The following TCERG1L variants were observed in gnomAD, a reference collection of about 807,000 sequenced individuals.
TCERG1L encodes the protein transcription elongation regulator 1 like.
In TCERG1L, 37 loss-of-function variants were observed where a neutral mutation model predicts 56.3. The observed-to-expected ratio is 0.66, with a 90% confidence interval of 0.51 to 0.87. TCERG1L has a LOEUF of 0.87. TCERG1L is among the 40% of genes least tolerant of loss of function. TCERG1L has a pLI of 0.00. For missense variants in TCERG1L, 799 were observed against 774.2 expected (o/e 1.03, Z -0.38); for synonymous variants, 324 against 326.3 (o/e 0.99, Z 0.08).
At chr10:131,237,263 G>C (rs891345867) in intron 4 of TCERG1L, among the ~76,000 whole-genome samples, 4 of 152,088 alleles carry the variant, frequency 2.6e-5, no homozygotes, top group African/African-American at 9.7e-5. Context: ...GAGACCCTGA[G>C]TGCCAGCTCC....
intron 4 of TCERG1L, among the ~76,000 whole-genome samples, chr10:131,225,133 C>T (rs1051474195): frequency 1.6e-4 from 24 of 152,160 alleles, no homozygotes; most frequent in African/African-American, 4.8e-4. Flanking sequence ...TCACTCCCAC[C>T]CCGTGGCAGA....
At chr10:131,198,954 A>C (rs1262582569) in intron 4 of TCERG1L, among the ~76,000 whole-genome samples, 3 of 152,204 alleles carry the variant, frequency 2.0e-5, no homozygotes, top group African/African-American at 7.2e-5. Flanking sequence ...CACCTGGCCC[A>C]CTTGAGCCAC....
intron 4 of TCERG1L, among the ~76,000 whole-genome samples, chr10:131,256,334 C>CT (rs1376945056): frequency 2.3e-5 from 3 of 130,486 alleles, no homozygotes; most frequent in Non-Finnish European, 3.4e-5. Context: ...TGGTAAGTTA[C>CT]TGATAGAACA....
At chr10:131,266,406 G>A (rs1238889942) in intron 3 of TCERG1L, among the ~76,000 whole-genome samples, 1 of 152,206 alleles carries the variant, frequency 6.6e-6, no homozygotes, top group African/African-American at 2.4e-5. Context: ...TGTGTTAGCA[G>A]GCACGAAAAC....
At chr10:131,247,364 T>C (rs544562607) in intron 4 of TCERG1L, among the ~76,000 whole-genome samples, 1 of 152,330 alleles carries the variant, frequency 6.6e-6, no homozygotes, top group South Asian at 2.1e-4. Context: ...CTTTCTACCA[T>C]TATCACATTC....
intron 4 of TCERG1L, among the ~76,000 whole-genome samples, chr10:131,176,783 CACAG>C (rs1472939175): frequency 6.0e-4 from 1 of 1,660 alleles, no homozygotes; most frequent in Non-Finnish European, 1.6e-3. Context: ...CACATGGACA[CACAG>C]AGATACACGT....
In TCERG1L at chr10:131,267,447, C is replaced by T. The variant is rs970783768; in HGVS notation, c.671-7003G>A. On this transcript the variant is annotated intron_variant, in intron 3 of 11. Transcript: ENST00000368642. The surrounding 1 kb of genome is among the most constrained non-coding windows in gnomAD (Gnocchi z 4.9). ...AACCTGGGTGGCTGCAACTGAGCCT[C>T]GGCAGCTCCCACACTGCCAACTTGA... Among the ~76,000 whole-genome samples the T allele has an allele frequency of 5.3e-5, 8 of 152,232 alleles. No homozygotes were observed. Among genetic ancestry groups the T allele is most frequent in the Non-Finnish European group, 1.0e-4 (7 of 68,042 alleles).
In TCERG1L at chr10:131,264,691, T is replaced by C. The variant is rs542170379; in HGVS notation, c.671-4247A>G. On this transcript the variant is annotated intron_variant, in intron 3 of 11. Transcript: ENST00000368642. Reference sequence around the variant, plus strand: ...TTGGGGACACCTTCATTCTCAGGTCTCATTATCTGAGGCCTTGGGCAGAGG... The same window carrying C: ...TTGGGGACACCTTCATTCTCAGGTCCCATTATCTGAGGCCTTGGGCAGAGG... Among the ~76,000 whole-genome samples the C allele has an allele frequency of 2.0e-3, 299 of 152,326 alleles. 1 individual carries two copies. The highest frequency in any genetic ancestry group is 6.8e-3 in the African/African-American group (283 of 41,586).
intron 3 of TCERG1L, among the ~76,000 whole-genome samples, chr10:131,276,984 T>C (rs539279167): frequency 6.6e-6 from 1 of 152,362 alleles, no homozygotes; most frequent in South Asian, 2.1e-4. Flanking sequence ...TCTCATCATA[T>C]GTAGCTGCTG....
Position 131,112,427 on chromosome 10 carries a change from C to T in TCERG1L, c.1395+4372G>A, listed in dbSNP as rs151176649. ...AGGCCCCCACTGTGCCTCCCACAAG[C>T]CCTAATGATGATGCCAGCTGCATGT... On this transcript the variant is annotated intron_variant, in intron 9 of 11. Transcript: ENST00000368642. 2.2e-4 allele frequency among the ~76,000 whole-genome samples: 31 copies of T among 142,542 alleles called. 3 individuals carry two copies. Among genetic ancestry groups the T allele is most frequent in the Non-Finnish European group, 3.5e-4 (22 of 63,176 alleles). The allele number at this position is 142,542 out of a possible 152,430, so 93.5% of individuals were successfully genotyped here. A position where few individuals can be genotyped will look rare whatever the true frequency, so the allele number is the denominator to read the frequency against.
intron 3 of TCERG1L, among the ~76,000 whole-genome samples, chr10:131,264,187 T>C (rs1266731932): frequency 2.0e-5 from 3 of 150,048 alleles, no homozygotes; most frequent in Non-Finnish European, 4.4e-5. Context: ...CTGACCTTCC[T>C]GCCGGGGATG....
At chr10:131,188,823 A>T (rs568908869) in intron 4 of TCERG1L, among the ~76,000 whole-genome samples, 42 of 152,284 alleles carry the variant, frequency 2.8e-4, no homozygotes, top group African/African-American at 1.0e-3. Context: ...CCGCTCCTAA[A>T]TCTGGCCACA....
At chr10:131,132,235 C>T (rs1845625615) in intron 8 of TCERG1L, among the ~76,000 whole-genome samples, 1 of 152,166 alleles carries the variant, frequency 6.6e-6, no homozygotes, top group African/African-American at 2.4e-5. Context: ...CAAAGCATTT[C>T]CTCTCAGATC....
At chr10:131,163,608 TA>T (rs1258565298) in intron 5 of TCERG1L, among the ~76,000 whole-genome samples, 1 of 152,156 alleles carries the variant, frequency 6.6e-6, no homozygotes, top group East Asian at 1.9e-4. Flanking sequence ...CAACAGCATT[TA>T]GTGGCAGAGA....
At chr10:131,253,894 C>T (rs1846139701) in intron 4 of TCERG1L, among the ~76,000 whole-genome samples, 1 of 152,092 alleles carries the variant, frequency 6.6e-6, no homozygotes, top group Admixed American at 6.5e-5. Flanking sequence ...TGTGACATGC[C>T]AGTGGGGGAG....
chr10:131,223,425 G>A (rs187893821), intron 4 of TCERG1L, among the ~76,000 whole-genome samples: 11 of 152,350 alleles, frequency 7.2e-5, no homozygotes. Context: ...GCTCCAGAGA[G>A]AGCTAGATGC....
chr10:131,243,989 A>G (rs1846000896), intron 4 of TCERG1L, among the ~76,000 whole-genome samples: 2 of 152,234 alleles, frequency 1.3e-5, no homozygotes, highest in Admixed American at 1.3e-4. Flanking sequence ...ACAAAAGCTA[A>G]GGTTTCGGCT....
At chr10:131,243,634 C>A (rs1845997221) in intron 4 of TCERG1L, among the ~76,000 whole-genome samples, 1 of 152,176 alleles carries the variant, frequency 6.6e-6, no homozygotes, top group South Asian at 2.1e-4. Flanking sequence ...GTTCCTAAAA[C>A]CAACCCTGCA....
intron 3 of TCERG1L, among the ~76,000 whole-genome samples, chr10:131,283,557 A>G (rs1004160322): frequency 1.3e-5 from 2 of 152,208 alleles, no homozygotes; most frequent in African/African-American, 4.8e-5. Context: ...ACAAATTTGG[A>G]CCCACAAAAA....
Sources: allele counts gnomAD v4.1 joint callset (sites outside exome capture counted in the v4.1 genomes callset), GRCh38; gene constraint gnomAD v4.1.1; non-coding constraint Gnocchi (gnomAD v3.1); transcripts MANE v1.5; gene names NCBI Gene and HGNC (gene_info 2026-07-23, HGNC 2026-07-21).